GALNT14: variants seen among roughly 807,000 people sequenced by gnomAD.
The protein encoded by GALNT14 is UDP-GalNAc:polypeptide N-acetylgalactosaminyltransferase 14.
Under a neutral mutation model 77.5 loss-of-function variants are expected in GALNT14, and 60 were observed. The observed-to-expected ratio is 0.77, with a 90% CI of 0.63 to 0.96. The LOEUF (loss-of-function observed/expected upper bound fraction) is 0.96. Ranked by LOEUF, GALNT14 falls within the 40% of genes least tolerant of loss-of-function variation. GALNT14 has a pLI of 0.00. For missense variants in GALNT14, 710 were observed against 731.0 expected (o/e 0.97, Z 0.33); for synonymous variants, 280 against 281.7 (o/e 0.99, Z 0.06).
intron 9 of GALNT14, among the ~76,000 whole-genome samples, chr2:30,941,587 T>C (rs546259250): frequency 6.6e-6 from 1 of 152,148 alleles, no homozygotes; most frequent in Non-Finnish European, 1.5e-5. Context: ...AAGCCTCAGC[T>C]CTATCCCACC....
chr2:30,994,623 C>A (rs996018863), intron 1 of GALNT14, among the ~76,000 whole-genome samples: 5 of 152,046 alleles, frequency 3.3e-5, no homozygotes, highest in Admixed American at 2.6e-4. Flanking sequence ...GGTGAGAAAC[C>A]CCCAGCCTGT....
chr2:30,923,014 G>T (rs567743065), intron 13 of GALNT14, among the ~76,000 whole-genome samples: 2 of 151,496 alleles, frequency 1.3e-5, no homozygotes, highest in African/African-American at 4.8e-5. Flanking sequence ...GGGTATGAGA[G>T]TGGGGGTGAG....
intron 11 of GALNT14, among the ~76,000 whole-genome samples, chr2:30,925,990 G>A (rs1665352011): frequency 6.6e-6 from 1 of 152,156 alleles, no homozygotes; most frequent in South Asian, 2.1e-4. Context: ...ACCCACCTAA[G>A]TTCATCCATG....
chr2:30,950,166 T>A (rs1211410941), intron 6 of GALNT14, among the ~76,000 whole-genome samples: 2 of 152,230 alleles, frequency 1.3e-5, no homozygotes, highest in African/African-American at 4.8e-5. Flanking sequence ...ATGTAAGCTA[T>A]GATTTATATA....
intron 1 of GALNT14, among the ~76,000 whole-genome samples, chr2:31,050,918 G>A (rs1338929837): frequency 2.0e-5 from 3 of 151,898 alleles, no homozygotes; most frequent in East Asian, 1.9e-4. Flanking sequence ...TGTGAGTCAC[G>A]GCCAAATTAT....
At position 31,125,287 on chromosome 2, in the gene GALNT14, T is replaced by C. The variant is rs1038567697; in HGVS notation, c.129+12671A>G. 4.8e-6 allele frequency: 7 copies of C among 1,468,986 alleles called. No homozygotes were observed. In the African/African-American group the frequency reaches 7.0e-5, roughly 15 times the overall value. The allele number at this position is 1,468,986 out of a possible 1,614,324, so 91.0% of individuals were successfully genotyped here. A position where few individuals can be genotyped will look rare whatever the true frequency, so the allele number is the denominator to read the frequency against. ...GCCACAAGAAAGAAGAGCAACATGG[T>C]CATTTCTTTGGCAATTAATAGCAGC... On this transcript the variant is annotated intron_variant, in intron 1 of 14. Transcript: ENST00000349752.
intron 1 of GALNT14, among the ~76,000 whole-genome samples, chr2:31,085,126 T>C (rs936925914): frequency 6.6e-6 from 1 of 152,168 alleles, no homozygotes; most frequent in African/African-American, 2.4e-5. Context: ...TTTGCTAAGC[T>C]GCCAGGTAAA....
chr2:31,129,597 A>G, intron 1 of GALNT14: 1 of 985,396 alleles, frequency 1.0e-6, no homozygotes, highest in Non-Finnish European at 1.2e-6. Context: ...AATAAGCCTG[A>G]AATACAGGCA....
chr2:30,936,713 C>T lies in GALNT14; in HGVS notation c.932-4519G>A, dbSNP rs115133550. 3.1e-3 allele frequency among the ~76,000 whole-genome samples: 471 copies of T among 152,278 alleles called. 5 individuals carry two copies. Among genetic ancestry groups the T allele is most frequent in the African/African-American group, 0.011 (451 of 41,556 alleles). On this transcript the variant is annotated intron_variant, in intron 9 of 14. Coordinates refer to ENST00000349752, the MANE Select transcript of GALNT14 (RefSeq NM_024572.4). Reference sequence around the variant, plus strand: ...ATGAAGGGACTTGGGTAGAGATAATCTTATTGGCCCAGAAAACATCGCCTT... The same window carrying T: ...ATGAAGGGACTTGGGTAGAGATAATTTTATTGGCCCAGAAAACATCGCCTT...
chr2:31,022,153 T>C (rs1255581258), intron 1 of GALNT14, among the ~76,000 whole-genome samples: 2 of 151,968 alleles, frequency 1.3e-5, no homozygotes, highest in African/African-American at 4.8e-5. Flanking sequence ...TGCAAAGGTG[T>C]GTATGGATGG....
the GALNT14 span, among the ~76,000 whole-genome samples, chr2:30,901,792 C>A: frequency 6.6e-6 from 1 of 152,012 alleles, no homozygotes; most frequent in African/African-American, 2.4e-5. Flanking sequence ...CAGATGCAAC[C>A]TTGGGGGACG....
intron 1 of GALNT14, among the ~76,000 whole-genome samples, chr2:31,125,606 T>C (rs1255661979): frequency 2.6e-5 from 4 of 152,174 alleles, no homozygotes; most frequent in African/African-American, 9.7e-5. Context: ...ATGCACATTA[T>C]AAAAAGGACT....
intron 1 of GALNT14, among the ~76,000 whole-genome samples, chr2:31,080,211 C>A (rs974709243): frequency 1.3e-5 from 2 of 152,202 alleles, no homozygotes; most frequent in African/African-American, 4.8e-5. Flanking sequence ...CACCTTAGGT[C>A]AGCAAGAAAA....
At chr2:30,917,843 T>C (rs938976105) in intron 13 of GALNT14, among the ~76,000 whole-genome samples, 4 of 152,196 alleles carry the variant, frequency 2.6e-5, no homozygotes, top group African/African-American at 9.7e-5. Context: ...GCCTTGAACA[T>C]CTTAGTCCAT....
At chr2:31,072,952 A>G (rs1468843297) in intron 1 of GALNT14, 1 of 152,220 alleles carries the variant, frequency 6.6e-6, no homozygotes, top group African/African-American at 2.4e-5. Flanking sequence ...GAAGATGTCA[A>G]CAGGCAAAGA....
chr2:30,942,346 G>A, intron 8 of GALNT14, 42 bp from the exon 9 acceptor site: 1 of 1,456,842 alleles, frequency 6.9e-7, no homozygotes, highest in Non-Finnish European at 9.6e-7. Flanking sequence ...AGTTCTAGTG[G>A]GGAGATCACT....
chr2:30,917,076 CA>C (rs529653696), intron 13 of GALNT14, among the ~76,000 whole-genome samples: 1,431 of 19,826 alleles, frequency 0.072, 3 homozygotes, highest in African/African-American at 0.17. Flanking sequence ...GACTCCGTCT[CA>C]AAAAAAAAAA....
At chr2:31,119,588 C>T (rs1317021503) in intron 1 of GALNT14, among the ~76,000 whole-genome samples, 2 of 152,160 alleles carry the variant, frequency 1.3e-5, no homozygotes, top group Non-Finnish European at 2.9e-5. Context: ...AGAGTACTCT[C>T]GTACTTTGCT....
chr2:30,905,818 C>T (rs1239328916), downstream of GALNT14, among the ~76,000 whole-genome samples: 4 of 150,734 alleles, frequency 2.7e-5, no homozygotes, highest in African/African-American at 7.3e-5. Context: ...AGAGAAAGGT[C>T]GGGTTACCCT....
Sources: gnomAD v4.1 joint callset for allele counts (sites outside exome capture counted in the v4.1 genomes callset) on GRCh38, gnomAD v4.1.1 for gene constraint, MANE v1.5 for transcripts, NCBI Gene and HGNC (gene_info 2026-07-23, HGNC 2026-07-21) for gene names.